NRG2: variants seen among roughly 807,000 people sequenced by gnomAD.
NRG2 encodes the protein neuregulin 2, also known as pro-neuregulin-2, membrane-bound isoform.
NRG2 carries 27 observed loss-of-function variants against 73.9 expected under a neutral mutation model. The observed-to-expected ratio is 0.37, with a 90% CI of 0.27 to 0.50. The LOEUF is 0.50. NRG2 is among the 20% of genes least tolerant of loss of function. The probability of loss-of-function intolerance (pLI) is 0.96; values close to 1 mark genes in which losing one functional copy is unlikely to be tolerated. For missense variants in NRG2, 1,126 were observed against 1,210.1 expected (o/e 0.93, Z 1.03); for synonymous variants, 532 against 541.0 (o/e 0.98, Z 0.23).
intron 1 of NRG2, among the ~76,000 whole-genome samples, chr5:140,023,147 C>A (rs1221708917): frequency 2.6e-5 from 4 of 152,184 alleles, no homozygotes; most frequent in African/African-American, 9.7e-5. Flanking sequence ...TATCATATCC[C>A]TGCTCCAATA....
At chr5:139,979,829 A>T (rs1756657420) in intron 1 of NRG2, among the ~76,000 whole-genome samples, 1 of 152,188 alleles carries the variant, frequency 6.6e-6, no homozygotes. Flanking sequence ...AACCAGAAGC[A>T]CCCAGCTAAG....
intron 1 of NRG2, among the ~76,000 whole-genome samples, chr5:140,013,979 G>A (rs781345323): frequency 3.9e-5 from 6 of 152,040 alleles, no homozygotes; most frequent in African/African-American, 1.2e-4. Flanking sequence ...TCTAGGGCTC[G>A]AGTCCTTGCT....
Position 139,855,659 on chromosome 5 carries a change from G to C in NRG2, c.1292+17C>G. ...CCTTGGCTTGGCCTGTCCCCAGCTT[G>C]AGTGACTGACACTCACTTGGTCTTG... is the stretch of plus-strand genomic sequence containing the variant. On this transcript the variant is annotated intron_variant, in intron 6 of 9. Coordinates refer to ENST00000361474, the MANE Select transcript of NRG2 (RefSeq NM_004883.3). The C allele has an allele frequency of 6.2e-7, 1 of 1,601,332 alleles. No homozygotes were observed. Among genetic ancestry groups the C allele is most frequent in the African/African-American group, 1.3e-5 (1 of 74,804 alleles).
chr5:139,946,679 G>A (rs1001360188), intron 1 of NRG2, among the ~76,000 whole-genome samples: 4 of 152,040 alleles, frequency 2.6e-5, no homozygotes, highest in South Asian at 2.1e-4. Flanking sequence ...AAAGTGAAAC[G>A]ACAACCCACT....
At chr5:139,885,724 G>T (rs1338000045) in intron 2 of NRG2, among the ~76,000 whole-genome samples, 1 of 152,006 alleles carries the variant, frequency 6.6e-6, no homozygotes, top group African/African-American at 2.4e-5. Context: ...GTGTGTGGTG[G>T]GGGGGAATGT....
chr5:140,027,844 G>A (rs1487057864), intron 1 of NRG2, among the ~76,000 whole-genome samples: 1 of 152,146 alleles, frequency 6.6e-6, no homozygotes, highest in Non-Finnish European at 1.5e-5. Flanking sequence ...TAGGAAGCAG[G>A]CTGAGAAAAC....
intron 1 of NRG2, among the ~76,000 whole-genome samples, chr5:139,992,176 C>T (rs1207262938): frequency 6.6e-6 from 1 of 152,124 alleles, no homozygotes; most frequent in Admixed American, 6.5e-5. Context: ...AATGAAATTG[C>T]ACATTTTTAA....
intron 5 of NRG2, among the ~76,000 whole-genome samples, chr5:139,864,007 C>A (rs1274590354): frequency 6.6e-6 from 1 of 152,230 alleles, no homozygotes; most frequent in Non-Finnish European, 1.5e-5. Flanking sequence ...AGGCTACCTA[C>A]ATGGTCCCCT....
At chr5:139,986,313 C>T (rs1757169980) in intron 1 of NRG2, among the ~76,000 whole-genome samples, 1 of 151,934 alleles carries the variant, frequency 6.6e-6, no homozygotes, top group African/African-American at 2.4e-5. Flanking sequence ...GGATATCCTC[C>T]CACACCCCAG....
At chr5:139,893,527 T>TC (rs1764352641) in intron 1 of NRG2, among the ~76,000 whole-genome samples, 1 of 152,178 alleles carries the variant, frequency 6.6e-6, no homozygotes, top group Admixed American at 6.5e-5. Flanking sequence ...GACACCCTGA[T>TC]CCCTGCAGCA....
At chr5:139,943,603 T>A (rs1753572915) in intron 1 of NRG2, among the ~76,000 whole-genome samples, 1 of 152,258 alleles carries the variant, frequency 6.6e-6, no homozygotes, top group African/African-American at 2.4e-5. Context: ...TTTTAGCATG[T>A]CTATAATGCC....
At chr5:139,855,213 C>G (rs1761729285) in intron 6 of NRG2, among the ~76,000 whole-genome samples, 1 of 152,164 alleles carries the variant, frequency 6.6e-6, no homozygotes, top group African/African-American at 2.4e-5. Flanking sequence ...TGAAGCTGTC[C>G]TCTCTGTGTT....
Position 139,887,641 on chromosome 5 carries a change from C to G in NRG2, c.701-130G>C. The G allele has an allele frequency of 2.8e-6, 2 of 704,802 alleles. No homozygotes were observed. The highest frequency in any genetic ancestry group is 4.8e-6 in the Non-Finnish European group (2 of 415,496). 43.7% of individuals were successfully genotyped at this position (704,802 alleles called of 1,614,324 possible). ...GGGAAGGGTGATCCTGAGAGCCACC[C>G]CTCCTAGTGTCATTTCCTAGTTCAA... On this transcript the variant is annotated intron_variant, in intron 1 of 9. Transcript: ENST00000361474. This position sits in a 1 kb window ranked among gnomAD's most constrained non-coding sequence, Gnocchi z 4.5.
chr5:139,864,560 C>T (rs1188888825), intron 5 of NRG2, among the ~76,000 whole-genome samples: 4 of 151,862 alleles, frequency 2.6e-5, no homozygotes, highest in Non-Finnish European at 4.4e-5. Context: ...CCAGCACCAA[C>T]CCCCGCCCCC....
chr5:139,998,914 G>GCAGAAGACT (rs1758230621), intron 1 of NRG2, among the ~76,000 whole-genome samples: 3 of 152,128 alleles, frequency 2.0e-5, no homozygotes, highest in Non-Finnish European at 4.4e-5. Context: ...CTAGATTATA[G>GCAGAAGACT]CAGAAGACTC....
At chr5:139,996,344 A>G (rs1173944952) in intron 1 of NRG2, among the ~76,000 whole-genome samples, 1 of 152,258 alleles carries the variant, frequency 6.6e-6, no homozygotes, top group African/African-American at 2.4e-5. Context: ...AACATGGGGA[A>G]TACGGGAGAC....
intron 1 of NRG2, among the ~76,000 whole-genome samples, chr5:140,010,945 G>A (rs1214963632): frequency 6.6e-6 from 1 of 152,196 alleles, no homozygotes; most frequent in Non-Finnish European, 1.5e-5. Context: ...CCTTGGTGCA[G>A]GCCCTGGTCA....
At chr5:139,939,348 C>T (rs1019336400) in intron 1 of NRG2, among the ~76,000 whole-genome samples, 4 of 151,524 alleles carry the variant, frequency 2.6e-5, no homozygotes, top group Non-Finnish European at 5.9e-5. Context: ...GATCTCAGCT[C>T]ACTGCAACCT....
intron 5 of NRG2, chr5:139,859,919 G>A: frequency 6.2e-7 from 1 of 1,602,620 alleles, no homozygotes; most frequent in Non-Finnish European, 8.5e-7. Flanking sequence ...TGCTCTGGCA[G>A]TGCAGAAGAG....
Sources: allele counts gnomAD v4.1 joint callset (sites outside exome capture counted in the v4.1 genomes callset), GRCh38; gene constraint gnomAD v4.1.1; non-coding constraint Gnocchi (gnomAD v3.1); transcripts MANE v1.5; gene names NCBI Gene and HGNC (gene_info 2026-07-23, HGNC 2026-07-21).